ERBB4: variants seen among roughly 807,000 people sequenced by gnomAD.
ERBB4 encodes the protein erb-b2 receptor tyrosine kinase 4, also known as receptor tyrosine-protein kinase erbB-4.
Under a neutral mutation model 158.0 loss-of-function variants are expected in ERBB4, and 42 were observed. That is an observed-to-expected ratio of 0.27 (90% CI 0.21 to 0.34). The LOEUF is 0.34. Ranked by LOEUF, ERBB4 falls within the 10% of genes least tolerant of loss-of-function variation. The pLI is 1.00. For synonymous variants in ERBB4, 583 were observed against 558.7 expected, an observed-to-expected ratio of 1.04 and a Z score of -0.61; for missense variants, 1,333 against 1,624.1, an observed-to-expected ratio of 0.82 and a Z score of 3.08.
rs1304215679 is a variant in ERBB4, at chr2:211,772,068, A to G, written c.556+15957T>C. Among the ~76,000 whole-genome samples the G allele has an allele frequency of 2.0e-5, 3 of 152,214 alleles. No individual in the cohort carries two copies. The East Asian group carries it at 5.8e-4, about 29-fold the overall frequency. The stretch of plus-strand genomic sequence containing the variant: ...TTTCCTGAATAGTTTACAATGTTTT[A>G]CTATCTTCTGTGTAATTGAGTTTAC... On this transcript the variant is annotated intron_variant, in intron 4 of 27. Transcript: ENST00000342788.
chr2:212,246,854 A>C (rs555332790), intron 1 of ERBB4, among the ~76,000 whole-genome samples: 3 of 152,316 alleles, frequency 2.0e-5, no homozygotes, highest in Admixed American at 2.0e-4. Flanking sequence ...TCAGGTGCAC[A>C]GTAAGTTCTC....
chr2:211,457,925 T>G (rs1426698994), intron 20 of ERBB4, among the ~76,000 whole-genome samples: 1 of 152,200 alleles, frequency 6.6e-6, no homozygotes, highest in African/African-American at 2.4e-5. Flanking sequence ...CTCACAAAAT[T>G]GCATACCATT....
chr2:211,663,593 T>C (rs1326327302), intron 15 of ERBB4, among the ~76,000 whole-genome samples: 2 of 151,978 alleles, frequency 1.3e-5, no homozygotes, highest in Non-Finnish European at 2.9e-5. Flanking sequence ...ACTATATATG[T>C]TTATTATTAT....
intron 16 of ERBB4, among the ~76,000 whole-genome samples, chr2:211,633,144 T>C (rs1454010675): frequency 6.6e-6 from 1 of 152,132 alleles, no homozygotes; most frequent in Non-Finnish European, 1.5e-5. Context: ...GAAGACTTAA[T>C]AGACATAGCA....
intron 20 of ERBB4, among the ~76,000 whole-genome samples, chr2:211,462,452 G>A (rs1440819280): frequency 2.6e-5 from 4 of 152,062 alleles, no homozygotes; most frequent in African/African-American, 9.7e-5. Context: ...TAGTCTCAAG[G>A]CCAGTTTCAA....
In ERBB4 at chr2:211,860,047, G is replaced by A. The variant is rs144087058; in HGVS notation, c.422-71888C>T. Among the ~76,000 whole-genome samples, 25 of 152,112 alleles carry A rather than the reference G, an allele frequency of 1.6e-4. No homozygotes were observed. In the East Asian group the frequency reaches 3.7e-3, roughly 22 times the overall value. The stretch of plus-strand genomic sequence containing the variant: ...AAAACATAAATGGTGGTTATTATAC[G>A]CCAAAACATCTCTTGTCATTCATTT... On this transcript the variant is annotated intron_variant, in intron 3 of 27. Coordinates refer to ENST00000342788, the MANE Select transcript of ERBB4 (RefSeq NM_005235.3).
intron 6 of ERBB4, among the ~76,000 whole-genome samples, chr2:211,723,585 T>A (rs1229092254): frequency 6.6e-6 from 1 of 152,078 alleles, no homozygotes; most frequent in Non-Finnish European, 1.5e-5. Context: ...GTCTACTAGA[T>A]GCATAATCAG....
At chr2:212,241,866 G>T (rs529148778) in intron 1 of ERBB4, among the ~76,000 whole-genome samples, 1 of 36,256 alleles carries the variant, frequency 2.8e-5, no homozygotes, top group East Asian at 6.7e-4. Context: ...CATGTGAATT[G>T]ATTCAACATA....
chr2:211,591,745 T>C (rs2068472483), intron 19 of ERBB4, among the ~76,000 whole-genome samples: 1 of 152,250 alleles, frequency 6.6e-6, no homozygotes, highest in Admixed American at 6.5e-5. Context: ...GTGCTTGCCA[T>C]TTATTTTTTG....
At chr2:212,139,140 T>G (rs1330338928) in intron 1 of ERBB4, among the ~76,000 whole-genome samples, 1 of 152,142 alleles carries the variant, frequency 6.6e-6, no homozygotes, top group Non-Finnish European at 1.5e-5. Flanking sequence ...TATGATAAGA[T>G]ATTGAAAGTA....
chr2:211,814,741 T>C (rs930733830), intron 3 of ERBB4, among the ~76,000 whole-genome samples: 12 of 151,932 alleles, frequency 7.9e-5, no homozygotes, highest in African/African-American at 2.9e-4. Context: ...AGGCTTTGAG[T>C]CAGAAATTTA....
chr2:212,054,738 CT>C (rs2077502018), intron 2 of ERBB4, among the ~76,000 whole-genome samples: 1 of 152,156 alleles, frequency 6.6e-6, no homozygotes, highest in African/African-American at 2.4e-5. Flanking sequence ...AAGATGCTGG[CT>C]GCCAAACAGT....
At chr2:211,788,553 A>G (rs1380387036) in intron 3 of ERBB4, among the ~76,000 whole-genome samples, 1 of 152,160 alleles carries the variant, frequency 6.6e-6, no homozygotes, top group Non-Finnish European at 1.5e-5. Context: ...TATTTTAATG[A>G]GAACAGGATA....
intron 2 of ERBB4, among the ~76,000 whole-genome samples, chr2:212,013,886 A>C (rs368218145): frequency 3.9e-5 from 6 of 152,230 alleles, no homozygotes; most frequent in African/African-American, 1.4e-4. Flanking sequence ...ATCTAGCCTG[A>C]AGAACCCTGA....
intron 1 of ERBB4, among the ~76,000 whole-genome samples, chr2:212,267,237 C>T (rs2085169050): frequency 6.6e-6 from 1 of 151,826 alleles, no homozygotes; most frequent in South Asian, 2.1e-4. Context: ...TTTGTAAAAT[C>T]AGAACATGGG....
At chr2:211,616,417 C>A (rs2069394449) in intron 19 of ERBB4, among the ~76,000 whole-genome samples, 1 of 152,080 alleles carries the variant, frequency 6.6e-6, no homozygotes, top group Non-Finnish European at 1.5e-5. Context: ...TGTAAGAACC[C>A]AAACTAACAC....
intron 1 of ERBB4, among the ~76,000 whole-genome samples, chr2:212,293,141 T>C (rs17418633): frequency 0.036 from 5,458 of 152,092 alleles, 141 homozygotes; most frequent in South Asian, 0.084. Flanking sequence ...ACAAAAATTA[T>C]GAATGAAGAC....
At chr2:212,128,305 C>T (rs1007963218) in intron 1 of ERBB4, among the ~76,000 whole-genome samples, 10 of 152,146 alleles carry the variant, frequency 6.6e-5, no homozygotes, top group African/African-American at 1.9e-4. Flanking sequence ...TCTCTCCTCC[C>T]CTTAGAGGTA....
At position 211,515,896 on chromosome 2, in the gene ERBB4, T is replaced by TTATATATATATATATATATA. The variant is rs1206265176; in HGVS notation, c.2487+46006_2487+46007insTATATATATATATATATATA. 3.3e-3 allele frequency among the ~76,000 whole-genome samples: 289 copies of TTATATATATATATATATATA among 88,778 alleles called. 5 individuals carry two copies. The highest frequency in any genetic ancestry group is 3.8e-3 in the Non-Finnish European group (181 of 47,876). 58.2% of individuals were successfully genotyped at this position (88,778 alleles called of 152,430 possible). Reference sequence around the variant, plus strand: ...TTAGTAACTTATATAAAAACATATATTATATATATATATATATTTTTTTTT... The same window carrying TTATATATATATATATATATA: ...TTAGTAACTTATATAAAAACATATATTATATATATATATATATATATATATATATATATATATTTTTTTTT... On this transcript the variant is annotated intron_variant, in intron 20 of 27. Transcript: ENST00000342788.
Sources: allele counts gnomAD v4.1 joint callset (sites outside exome capture counted in the v4.1 genomes callset), GRCh38; gene constraint gnomAD v4.1.1; transcripts MANE v1.5; gene names NCBI Gene and HGNC (gene_info 2026-07-23, HGNC 2026-07-21).